Variants in TMCC2 observed in about 807,000 individuals in gnomAD.
TMCC2 encodes the protein transmembrane and coiled-coil domains protein 2.
A neutral mutation model predicts 49.4 loss-of-function variants in TMCC2; 16 were observed. The observed-to-expected ratio is 0.32, with a 90% CI of 0.22 to 0.49. The LOEUF is 0.49. Among genes scored for constraint, TMCC2 ranks in the 20% least tolerant of loss-of-function variants. The pLI is 0.99. For synonymous variants in TMCC2, 397 were observed against 434.1 expected, an observed-to-expected ratio of 0.91 and a Z score of 1.06; for missense variants, 762 against 989.8, an observed-to-expected ratio of 0.77 and a Z score of 3.09.
At chr1:205,266,788 T>A (rs573156875) in intron 2 of TMCC2, among the ~76,000 whole-genome samples, 1 of 152,348 alleles carries the variant, frequency 6.6e-6, no homozygotes, top group Admixed American at 6.5e-5. Context: ...TCTGTATGCT[T>A]CGCACTATGC....
chr1:205,229,549 G>C (rs1471309783), intron 1 of TMCC2: 8 of 629,358 alleles, frequency 1.3e-5, no homozygotes, highest in Admixed American at 7.0e-5. Flanking sequence ...AAGGGGCGGG[G>C]GGGGGGGGGT....
At position 205,241,443 on chromosome 1, in the gene TMCC2, C is replaced by T. The variant is rs1406408274; in HGVS notation, c.208-62C>T. ...AGGACAGACCCTTCACCTTCACCCTCCTACTGACTAGGCAATCAAGAGCTT... is the reference window on the plus strand; with the variant it reads ...AGGACAGACCCTTCACCTTCACCCTTCTACTGACTAGGCAATCAAGAGCTT... On this transcript the variant is annotated intron_variant, in intron 1 of 4. Coordinates refer to ENST00000358024, the MANE Select transcript of TMCC2 (RefSeq NM_014858.4). The surrounding 1 kb of genome is among the most constrained non-coding windows in gnomAD (Gnocchi z 7.3). 1 of 1,549,112 alleles carries T rather than the reference C, an allele frequency of 6.5e-7. No individual in the cohort carries two copies. Among genetic ancestry groups the T allele is most frequent in the Non-Finnish European group, 8.8e-7 (1 of 1,136,252 alleles).
rs534966945 is a variant in TMCC2 at position 205,241,817 on chromosome 1, G to A, written c.520G>A (p.Gly174Ser). Residue 174 changes from glycine (G) to serine (S), a missense_variant, in exon 2 of 5, where the codon GGC (glycine) becomes AGC (serine). Around this residue, in one of 2 missense-constraint regions of TMCC2, gnomAD observed 322 missense variants for 353.1 expected, o/e 0.91. Coordinates refer to ENST00000358024, the MANE Select transcript of TMCC2 (RefSeq NM_014858.4). The surrounding 1 kb of genome is among the most constrained non-coding windows in gnomAD (Gnocchi z 7.3). ...GASLHSSSGG[G>S]SSGSSSRRTK... ...CAGCCTGCACAGCAGCAGTGGGGGC[G>A]GCAGCAGCGGGAGCAGCAGCCGGCG... The A allele has an allele frequency of 4.4e-5, 70 of 1,602,670 alleles. No individual in the cohort carries two copies. The highest frequency in any genetic ancestry group is 3.7e-4 in the African/African-American group (28 of 74,796).
At chr1:205,271,719 G>A (rs1375607726) in intron 4 of TMCC2, 94 bp from the exon 5 acceptor site, 27 of 1,489,578 alleles carry the variant, frequency 1.8e-5, no homozygotes, top group African/African-American at 4.2e-5. Context: ...AGGAGACTTC[G>A]TTATAGGCAC....
chr1:205,242,648 G>A (rs1473154163), intron 2 of TMCC2, among the ~76,000 whole-genome samples: 1 of 152,182 alleles, frequency 6.6e-6, no homozygotes, highest in Non-Finnish European at 1.5e-5. Context: ...GAATTCTTAT[G>A]TTGTGCTACA....
rs574390366 is a variant in TMCC2 at position 205,228,005 on chromosome 1, G to C, written c.-560G>C. Among the ~76,000 whole-genome samples the C allele has an allele frequency of 1.7e-3, 252 of 148,244 alleles. 1 individual carries two copies. The highest frequency in any genetic ancestry group is 3.0e-3 in the Non-Finnish European group (200 of 66,508). The stretch of plus-strand genomic sequence containing the variant: ...CTTTGCGGCAGGCTGCGCGTCAGGC[G>C]GGGAGCGGGGCGCGCGGGCCGGGGA... On this transcript the variant is annotated 5_prime_UTR_variant, in exon 1 of 5. Coordinates refer to ENST00000358024, the MANE Select transcript of TMCC2 (RefSeq NM_014858.4).
chr1:205,251,906 C>T (rs944574190), intron 2 of TMCC2, among the ~76,000 whole-genome samples: 4 of 152,212 alleles, frequency 2.6e-5, no homozygotes, highest in African/African-American at 9.6e-5. Flanking sequence ...CACCAGAATT[C>T]GGTGTTTCAA....
intron 1 of TMCC2, chr1:205,229,835 A>C: frequency 2.0e-6 from 2 of 985,380 alleles, no homozygotes; most frequent in Non-Finnish European, 2.4e-6. Context: ...TGTCTTGAAT[A>C]TATCTCTATC....
chr1:205,236,068 C>CAA (rs3060144), intron 1 of TMCC2, among the ~76,000 whole-genome samples: 1 of 116,228 alleles, frequency 8.6e-6, no homozygotes, highest in Non-Finnish European at 1.8e-5. Context: ...GACTCTGTCT[C>CAA]AAAAAAAAAA....
intron 1 of TMCC2, among the ~76,000 whole-genome samples, chr1:205,233,086 A>G (rs1419317025): frequency 6.6e-6 from 1 of 150,470 alleles, no homozygotes; most frequent in East Asian, 2.0e-4. Flanking sequence ...CTATCCTGAT[A>G]TGTGATGGAA....
chr1:205,250,434 G>A (rs945016250), intron 2 of TMCC2, among the ~76,000 whole-genome samples: 10 of 152,036 alleles, frequency 6.6e-5, no homozygotes, highest in African/African-American at 2.4e-4. Context: ...CCAGCTACTC[G>A]GGAGGCTGAG....
chr1:205,228,942 CTCTG>C, intron 1 of TMCC2, 171 bp downstream of exon 1: 11 of 1,418,186 alleles, frequency 7.8e-6, no homozygotes, highest in African/African-American at 2.9e-5. Flanking sequence ...CCATTTATGC[CTCTG>C]TCTTTCAGCT....
chr1:205,243,531 A>C (rs1253401176), intron 2 of TMCC2, among the ~76,000 whole-genome samples: 1 of 152,236 alleles, frequency 6.6e-6, no homozygotes, highest in Admixed American at 6.5e-5. Context: ...AACATTTGGA[A>C]GTGAAAGTCA....
chr1:205,228,448 C>T lies in TMCC2; in HGVS notation c.-117C>T. 4.8e-6 allele frequency: 4 copies of T among 833,552 alleles called. No homozygotes were observed. Among genetic ancestry groups the T allele is most frequent in the Non-Finnish European group, 7.2e-6 (4 of 554,432 alleles). 51.6% of individuals were successfully genotyped at this position (833,552 alleles called of 1,614,324 possible). On this transcript the variant is annotated 5_prime_UTR_variant, in exon 1 of 5. Coordinates refer to ENST00000358024, the MANE Select transcript of TMCC2 (RefSeq NM_014858.4). ...AATTCAAGAAATTGTGGTCTGCCAT[C>T]TCCCCTCCTTGTTAATAATTTAGAC... is the stretch of plus-strand genomic sequence containing the variant.
rs558917235 is a variant in TMCC2, at chr1:205,264,279, A to G, written c.748-4671A>G. Among the ~76,000 whole-genome samples, 1 of 152,228 alleles carries G rather than the reference A, an allele frequency of 6.6e-6. No homozygotes were observed. The highest frequency in any genetic ancestry group is 2.1e-4 in the South Asian group (1 of 4,826). On this transcript the variant is annotated intron_variant, in intron 2 of 4. Coordinates refer to ENST00000358024, the MANE Select transcript of TMCC2 (RefSeq NM_014858.4). This position sits in a 1 kb window ranked among gnomAD's most constrained non-coding sequence, Gnocchi z 4.2. ...CAATACCTAGTACAATGTAAATACT[A>G]TGAAAATAGAAAATAGTGTGACACT...
At chr1:205,237,292 G>C (rs1389569925) in intron 1 of TMCC2, among the ~76,000 whole-genome samples, 1 of 152,158 alleles carries the variant, frequency 6.6e-6, no homozygotes, top group African/African-American at 2.4e-5. Flanking sequence ...GTAGAACTCT[G>C]TGGGTTTTTA....
At position 205,241,426 on chromosome 1, in the gene TMCC2, C is replaced by T; in HGVS notation, c.208-79C>T. The stretch of plus-strand genomic sequence containing the variant: ...GCTATGCCAGTCTACCAAGGACAGA[C>T]CCTTCACCTTCACCCTCCTACTGAC... On this transcript the variant is annotated intron_variant, in intron 1 of 4. Coordinates refer to ENST00000358024, the MANE Select transcript of TMCC2 (RefSeq NM_014858.4). This position sits in a 1 kb window ranked among gnomAD's most constrained non-coding sequence, Gnocchi z 7.3. The T allele has an allele frequency of 1.4e-6, 2 of 1,454,694 alleles. No individual in the cohort carries two copies. The highest frequency in any genetic ancestry group is 1.3e-5 in the South Asian group (1 of 77,588). 90.1% of individuals were successfully genotyped at this position (1,454,694 alleles called of 1,614,324 possible). A position where few individuals can be genotyped will look rare whatever the true frequency, so the allele number is the denominator to read the frequency against.
intron 2 of TMCC2, among the ~76,000 whole-genome samples, chr1:205,259,439 A>G (rs902667204): frequency 3.3e-5 from 5 of 152,220 alleles, no homozygotes; most frequent in Non-Finnish European, 7.3e-5. Context: ...TCTGTGGTCT[A>G]TCTTGAAAAC....
chr1:205,256,433 T>C (rs1660875185), intron 2 of TMCC2: 13 of 1,550,452 alleles, frequency 8.4e-6, no homozygotes, highest in African/African-American at 6.8e-5. Context: ...TTCCCATCTG[T>C]GCTTTATCTT....
Sources: allele counts gnomAD v4.1 joint callset (sites outside exome capture counted in the v4.1 genomes callset), GRCh38; gene constraint gnomAD v4.1.1; regional missense constraint gnomAD v4.1.1; non-coding constraint Gnocchi (gnomAD v3.1); transcripts MANE v1.5; gene names NCBI Gene and HGNC (gene_info 2026-07-23, HGNC 2026-07-21).